The following TCF7L2 variants were observed in gnomAD, a reference collection of about 807,000 sequenced individuals.
The protein encoded by TCF7L2 is transcription factor 7 like 2.
In TCF7L2, 23 loss-of-function variants were observed where a neutral mutation model predicts 77.9. That is an observed-to-expected ratio of 0.30 (90% confidence interval 0.21 to 0.42). TCF7L2 has a LOEUF of 0.42. Ranked by LOEUF, TCF7L2 falls within the 10% of genes least tolerant of loss-of-function variation. The pLI is 1.00. For synonymous variants in TCF7L2, 413 were observed against 340.2 expected, an observed-to-expected ratio of 1.21 and a Z score of -2.36; for missense variants, 654 against 793.1, an observed-to-expected ratio of 0.82 and a Z score of 2.11.
intron 5 of TCF7L2, among the ~76,000 whole-genome samples, chr10:113,099,603 T>C (rs909602573): frequency 4.0e-4 from 61 of 152,222 alleles, no homozygotes; most frequent in Admixed American, 2.0e-4. Flanking sequence ...GGTGGGGATC[T>C]TCTGTGTGTG....
At chr10:112,966,295 C>T (rs2036891008) in intron 4 of TCF7L2, among the ~76,000 whole-genome samples, 1 of 150,332 alleles carries the variant, frequency 6.7e-6, no homozygotes, top group African/African-American at 2.5e-5. Flanking sequence ...CTTGATTTTA[C>T]CCTTCTCCAC....
At chr10:113,086,781 A>G (rs987437779) in intron 5 of TCF7L2, among the ~76,000 whole-genome samples, 1 of 151,750 alleles carries the variant, frequency 6.6e-6, no homozygotes, top group African/African-American at 2.4e-5. Context: ...AAAAAACTAT[A>G]GTTATTTTCT....
chr10:113,044,479 G>A (rs1165658697), intron 5 of TCF7L2, among the ~76,000 whole-genome samples: 8 of 152,298 alleles, frequency 5.3e-5, no homozygotes, highest in African/African-American at 1.9e-4. Context: ...TGCTTGCTGG[G>A]ACGTGGCATG....
rs375642398 is a variant in TCF7L2 at position 113,143,996 on chromosome 10, C to T, written c.759C>T (p.Ile253=). Residue 253 remains isoleucine, a synonymous_variant, in exon 7 of 14, where the codon ATC becomes ATT. Transcript: ENST00000627217. ...TATCGCCTGGCACCGTAGGACAAATCCCCCATCCGCTAGGATGGTTAGTAC... is the reference window on the plus strand; with the variant it reads ...TATCGCCTGGCACCGTAGGACAAATTCCCCATCCGCTAGGATGGTTAGTAC... 6.2e-7 allele frequency: 1 copy of T among 1,614,082 alleles called. No individual in the cohort carries two copies. Among genetic ancestry groups the T allele is most frequent in the Non-Finnish European group, 8.5e-7 (1 of 1,179,988 alleles).
chr10:112,974,933 T>C (rs1359975552), intron 4 of TCF7L2, among the ~76,000 whole-genome samples: 2 of 152,138 alleles, frequency 1.3e-5, no homozygotes, highest in Admixed American at 1.3e-4. Context: ...GGTTGCATGG[T>C]ATCAAATCCT....
At chr10:113,002,221 G>A (rs956431494) in intron 4 of TCF7L2, among the ~76,000 whole-genome samples, 6 of 152,156 alleles carry the variant, frequency 3.9e-5, no homozygotes, top group Non-Finnish European at 8.8e-5. Flanking sequence ...TCAGTCAGCT[G>A]GTCCTTGAGC....
At chr10:113,040,941 G>A (rs1377504385) in intron 5 of TCF7L2, among the ~76,000 whole-genome samples, 1 of 152,170 alleles carries the variant, frequency 6.6e-6, no homozygotes, top group Non-Finnish European at 1.5e-5. Flanking sequence ...ATCCATGACA[G>A]GTAGAATTAT....
At chr10:113,140,465 C>T (rs1389001941) in intron 5 of TCF7L2, among the ~76,000 whole-genome samples, 1 of 152,192 alleles carries the variant, frequency 6.6e-6, no homozygotes, top group Non-Finnish European at 1.5e-5. Flanking sequence ...AATTCGTCAT[C>T]ATCCAGTTAA....
chr10:112,970,194 G>A (rs755331879), intron 4 of TCF7L2, among the ~76,000 whole-genome samples: 7 of 152,084 alleles, frequency 4.6e-5, no homozygotes, highest in African/African-American at 1.2e-4. Context: ...GTGCATGTGC[G>A]CGCTTGTGCG....
intron 4 of TCF7L2, among the ~76,000 whole-genome samples, chr10:112,995,413 A>G (rs2043288883): frequency 6.6e-6 from 1 of 152,010 alleles, no homozygotes; most frequent in South Asian, 2.1e-4. Context: ...AGCCCTGGAG[A>G]TGGGAGTGAC....
intron 5 of TCF7L2, among the ~76,000 whole-genome samples, chr10:113,127,542 T>G (rs1405736336): frequency 6.6e-6 from 1 of 150,482 alleles, no homozygotes; most frequent in Non-Finnish European, 1.5e-5. Flanking sequence ...GAAAGGAAGC[T>G]TTCGTTTTTG....
At chr10:113,080,216 G>A (rs376879159) in intron 5 of TCF7L2, among the ~76,000 whole-genome samples, 10 of 151,818 alleles carry the variant, frequency 6.6e-5, no homozygotes, top group Non-Finnish European at 1.2e-4. Context: ...TTTGGGTGGC[G>A]CAAGAGATAA....
At chr10:113,032,819 A>G (rs2050478334) in intron 4 of TCF7L2, among the ~76,000 whole-genome samples, 1 of 152,166 alleles carries the variant, frequency 6.6e-6, no homozygotes, top group Non-Finnish European at 1.5e-5. Context: ...GTTATTGTGG[A>G]TGTCATTCTG....
chr10:113,047,612 T>C (rs1165936513), intron 5 of TCF7L2, among the ~76,000 whole-genome samples: 1 of 152,270 alleles, frequency 6.6e-6, no homozygotes, highest in Non-Finnish European at 1.5e-5. Context: ...TTGAGTTTAC[T>C]CTTATAACCT....
chr10:112,968,228 A>G (rs945232907), intron 4 of TCF7L2, among the ~76,000 whole-genome samples: 1 of 152,144 alleles, frequency 6.6e-6, no homozygotes, highest in African/African-American at 2.4e-5. Flanking sequence ...GCACAACATG[A>G]GTTTGAACCA....
intron 2 of TCF7L2, 50 bp downstream of exon 2, chr10:112,951,323 C>G: frequency 4.0e-6 from 4 of 989,542 alleles, no homozygotes; most frequent in Non-Finnish European, 4.9e-6. Flanking sequence ...CCCCCCGGGC[C>G]GGCCGCCCCG....
At chr10:113,099,381 C>G (rs1452690099) in intron 5 of TCF7L2, among the ~76,000 whole-genome samples, 1 of 152,112 alleles carries the variant, frequency 6.6e-6, no homozygotes, top group Non-Finnish European at 1.5e-5. Flanking sequence ...CTTGGTCCCC[C>G]CAGGCTGTCC....
At chr10:113,155,543 G>A (rs2071687680) in intron 11 of TCF7L2, among the ~76,000 whole-genome samples, 1 of 152,152 alleles carries the variant, frequency 6.6e-6, no homozygotes, top group East Asian at 1.9e-4. Context: ...TTCTTCAGTA[G>A]TCAACATCTC....
chr10:113,060,837 T>C (rs2056322295), intron 5 of TCF7L2, among the ~76,000 whole-genome samples: 1 of 152,094 alleles, frequency 6.6e-6, no homozygotes, highest in Non-Finnish European at 1.5e-5. Flanking sequence ...GGATCGCCTG[T>C]TGTGGCTGAG....
Sources: allele counts gnomAD v4.1 joint callset (sites outside exome capture counted in the v4.1 genomes callset), GRCh38; gene constraint gnomAD v4.1.1; transcripts MANE v1.5; gene names NCBI Gene and HGNC (gene_info 2026-07-23, HGNC 2026-07-21).